Variants in GRM8 observed in about 807,000 individuals in gnomAD.
GRM8 encodes glutamate metabotropic receptor 8, also known as metabotropic glutamate receptor 8.
Under a neutral mutation model 87.2 loss-of-function variants are expected in GRM8, and 47 were observed. That is an observed-to-expected ratio of 0.54 (90% confidence interval 0.43 to 0.69). The LOEUF is 0.69. Among genes scored for constraint, GRM8 ranks in the 30% least tolerant of loss-of-function variants. The pLI, the probability that GRM8 is intolerant of heterozygous loss-of-function variation, is 0.00. For synonymous variants in GRM8, 396 were observed against 404.5 expected (o/e 0.98, Z 0.25); for missense variants, 1,019 against 1,139.2 (o/e 0.89, Z 1.52).
intron 7 of GRM8, among the ~76,000 whole-genome samples, chr7:126,731,181 T>C (rs764272305): frequency 1.6e-4 from 24 of 152,140 alleles, no homozygotes; most frequent in Admixed American, 1.6e-3. Flanking sequence ...ATGGTAAAGC[T>C]ATAATATTGA....
intron 2 of GRM8, among the ~76,000 whole-genome samples, chr7:127,205,756 A>T (rs1795875155): frequency 6.6e-6 from 1 of 152,092 alleles, no homozygotes; most frequent in Admixed American, 6.5e-5. Flanking sequence ...TTGTGCCCAA[A>T]CTTTCACATG....
At chr7:126,570,642 A>G (rs551830006) in intron 8 of GRM8, among the ~76,000 whole-genome samples, 7 of 152,280 alleles carry the variant, frequency 4.6e-5, no homozygotes, top group Middle Eastern at 3.4e-3. Flanking sequence ...CCTGTATGCC[A>G]CTGACACTAA....
chr7:126,536,046 T>C (rs1815665723), intron 8 of GRM8, among the ~76,000 whole-genome samples: 1 of 152,224 alleles, frequency 6.6e-6, no homozygotes, highest in African/African-American at 2.4e-5. Flanking sequence ...CTGCTACATT[T>C]TGGAGTTATT....
At chr7:126,530,424 G>A (rs892307277) in intron 9 of GRM8, among the ~76,000 whole-genome samples, 2 of 152,182 alleles carry the variant, frequency 1.3e-5, no homozygotes, top group African/African-American at 4.8e-5. Context: ...ATCCTTTTCT[G>A]ACTTTGAGCC....
intron 2 of GRM8, among the ~76,000 whole-genome samples, chr7:127,200,921 T>C (rs910578831): frequency 3.3e-5 from 5 of 152,244 alleles, no homozygotes; most frequent in Admixed American, 2.6e-4. Flanking sequence ...GCAAAACTAC[T>C]CACCTTTCCT....
chr7:126,561,851 C>T (rs1419770307), intron 8 of GRM8, among the ~76,000 whole-genome samples: 1 of 99,194 alleles, frequency 1.0e-5, no homozygotes, highest in Non-Finnish European at 2.2e-5. Flanking sequence ...TGTTCAATTC[C>T]CACCTATGAG....
intron 7 of GRM8, among the ~76,000 whole-genome samples, chr7:126,704,685 G>A (rs763351420): frequency 7.2e-5 from 11 of 152,016 alleles, no homozygotes; most frequent in Non-Finnish European, 1.3e-4. Context: ...TTCTATGGTC[G>A]AGCTGTAGGG....
intron 3 of GRM8, among the ~76,000 whole-genome samples, chr7:126,958,072 G>C (rs187894612): frequency 2.6e-5 from 4 of 152,058 alleles, no homozygotes; most frequent in Non-Finnish European, 1.5e-5. Context: ...GGGTCTCAGG[G>C]GTCTCCTCAA....
rs541166657 is a variant in GRM8 at position 126,903,350 on chromosome 7, T to C, written c.1018+622A>G. 7.2e-5 allele frequency among the ~76,000 whole-genome samples: 11 copies of C among 152,114 alleles called. No homozygotes were observed. In the South Asian group the frequency reaches 1.5e-3, roughly 20 times the overall value. ...CTGCCTTTCAGGATGCTCCAAGTCT[T>C]TCCTGTTGCATTTATTTATCCATAG... On this transcript the variant is annotated intron_variant, in intron 5 of 10. Transcript: ENST00000339582.
chr7:126,469,342 A>C (rs1158526779), intron 9 of GRM8, among the ~76,000 whole-genome samples: 1 of 152,130 alleles, frequency 6.6e-6, no homozygotes, highest in African/African-American at 2.4e-5. Context: ...ACCTACTCCA[A>C]TTAGGCTTTC....
At chr7:127,200,142 C>T (rs1053764845) in intron 2 of GRM8, among the ~76,000 whole-genome samples, 1 of 152,012 alleles carries the variant, frequency 6.6e-6, no homozygotes, top group African/African-American at 2.4e-5. Flanking sequence ...AAAAATCTAC[C>T]AAGTTTCCTC....
chr7:126,705,160 G>A (rs933250839), intron 7 of GRM8, among the ~76,000 whole-genome samples: 12 of 152,156 alleles, frequency 7.9e-5, no homozygotes, highest in East Asian at 5.8e-4. Flanking sequence ...CATGACTATC[G>A]GGGGCAGGTT....
At chr7:126,868,452 A>G (rs1798799948) in intron 6 of GRM8, among the ~76,000 whole-genome samples, 1 of 152,224 alleles carries the variant, frequency 6.6e-6, no homozygotes, top group African/African-American at 2.4e-5. Context: ...AAGTTGGTTA[A>G]TCAACACCAG....
At chr7:126,887,947 T>G (rs1235944790) in intron 6 of GRM8, among the ~76,000 whole-genome samples, 1 of 152,072 alleles carries the variant, frequency 6.6e-6, no homozygotes, top group Non-Finnish European at 1.5e-5. Flanking sequence ...GAAACCCCTA[T>G]GGAAAGCATC....
intron 3 of GRM8, among the ~76,000 whole-genome samples, chr7:127,027,243 T>G (rs995149315): frequency 1.3e-5 from 2 of 152,206 alleles, no homozygotes; most frequent in African/African-American, 4.8e-5. Flanking sequence ...CGCAGCCTTG[T>G]AGTATAGTTT....
intron 2 of GRM8, among the ~76,000 whole-genome samples, chr7:127,145,526 A>C (rs1350762039): frequency 1.3e-5 from 2 of 152,162 alleles, no homozygotes; most frequent in Non-Finnish European, 2.9e-5. Context: ...CATAACATCA[A>C]CTTTTCATAT....
intron 2 of GRM8, among the ~76,000 whole-genome samples, chr7:127,144,009 C>T (rs778038998): frequency 3.3e-5 from 5 of 152,092 alleles, no homozygotes; most frequent in East Asian, 1.9e-4. Context: ...CAGAATATTT[C>T]GCCTCAACTC....
At chr7:126,719,289 G>A (rs1812110432) in intron 7 of GRM8, among the ~76,000 whole-genome samples, 1 of 152,168 alleles carries the variant, frequency 6.6e-6, no homozygotes, top group African/African-American at 2.4e-5. Context: ...CTTACTGAGT[G>A]ATATAAAAGG....
At chr7:126,670,681 C>G (rs1232707904) in intron 7 of GRM8, among the ~76,000 whole-genome samples, 1 of 152,114 alleles carries the variant, frequency 6.6e-6, no homozygotes, top group Non-Finnish European at 1.5e-5. Flanking sequence ...AAGTACAGGA[C>G]TCATAAAGAG....
Sources: gnomAD v4.1 joint callset for allele counts (sites outside exome capture counted in the v4.1 genomes callset) on GRCh38, gnomAD v4.1.1 for gene constraint, MANE v1.5 for transcripts, NCBI Gene and HGNC (gene_info 2026-07-23, HGNC 2026-07-21) for gene names.